JMJD4: variants seen among roughly 807,000 people sequenced by gnomAD.
JMJD4 encodes 2-oxoglutarate and iron-dependent oxygenase JMJD4.
A neutral mutation model predicts 36.3 loss-of-function variants in JMJD4; 34 were observed. The ratio of observed to expected loss-of-function variants is 0.94; its 90% confidence interval spans 0.71 to 1.25. JMJD4 has a LOEUF of 1.25. Among genes scored for constraint, JMJD4 ranks in the 50% most tolerant of loss-of-function variants. JMJD4 has a pLI of 0.00. For missense variants in JMJD4, 584 were observed against 559.1 expected (o/e 1.04, Z -0.45); for synonymous variants, 269 against 235.3 (o/e 1.14, Z -1.31).
Position 227,735,096 on chromosome 1 carries a change from C to T in JMJD4, c.178G>A (p.Ala60Thr). The change falls in exon 1 of 6, where the codon GCC (alanine) becomes ACC (threonine). Residue 60 changes from alanine to threonine, a missense_variant. Physicochemically the swap from Ala to Thr is moderately conservative, Grantham distance 58. Transcript: ENST00000620518. ...LPNLPCVFSS[A>T]FTQGWGSRRR... is the part of the protein sequence containing the mutation. ...CGGCTGCCCCAGCCCTGCGTGAAGG[C>T]GCTGGAAAACACGCAGGGCAGGTTG... 6.4e-7 allele frequency: 1 copy of T among 1,573,630 alleles called. No homozygotes were observed. The highest frequency in any genetic ancestry group is 1.4e-5 in the African/African-American group (1 of 73,824).
In JMJD4 at chr1:227,732,657, G is replaced by C. The variant is rs764039645; in HGVS notation, c.989C>G (p.Ser330Trp). The C allele has an allele frequency of 1.2e-6, 2 of 1,612,988 alleles. No homozygotes were observed. The highest frequency in any genetic ancestry group is 2.2e-5 in the South Asian group (2 of 91,076). The change falls in exon 6 of 6, where the codon TCG becomes TGG. Residue 330 changes from serine (S) to tryptophan (W), a missense_variant. Transcript: ENST00000620518. ...HHCQVIMRSC[S>W]GINFEEFYHF... ...GTAAAACTCTTCAAAGTTGATGCCC[G>C]AGCAGGACCTCATGATGACCTGGGC...
chr1:227,733,587 C>G lies in JMJD4; in HGVS notation c.649G>C (p.Glu217Gln). The G allele has an allele frequency of 6.2e-7, 1 of 1,608,022 alleles. No homozygotes were observed. The highest frequency in any genetic ancestry group is 1.1e-5 in the South Asian group (1 of 90,784). Residue 217 changes from glutamate (E) to glutamine (Q), a missense_variant, in exon 4 of 6, where the codon GAG becomes CAG. Coordinates refer to ENST00000620518, the MANE Select transcript of JMJD4 (RefSeq NM_023007.3). ...TTGCCGTGGCGGTCCCGCAGGGCCT[C>G]TTCCTGCCCTGGGGGGAAGAGGAGC... ...KWLLFPPGQE[E>Q]ALRDRHGNLP...
At chr1:227,734,540 C>G in intron 2 of JMJD4, 111 bp downstream of exon 2, 2 of 974,240 alleles carry the variant, frequency 2.1e-6, no homozygotes, top group Non-Finnish European at 1.6e-6. Context: ...AAGTGCCTCA[C>G]GGGGAAAAAT....
chr1:227,733,437 AGC>A lies in JMJD4; in HGVS notation c.797_798del (p.Gly266ValfsTer10), dbSNP rs1558182212. ...EAGEMVFVPS[G>X]WHHQVHNLDD... is the part of the protein sequence containing the mutation. ...ACCAGGTTGTGCACCTGGTGGTGCC[AGC>A]CACTGGGCACAAACACCATCTCGCC... On this transcript the variant is annotated frameshift_variant, in exon 4 of 6. Transcript: ENST00000620518. LOFTEE classifies it high-confidence loss of function. 1.3e-6 allele frequency: 2 copies of A among 1,579,578 alleles called. No homozygotes were observed. The highest frequency in any genetic ancestry group is 1.7e-6 in the Non-Finnish European group (2 of 1,163,336).
intron 4 of JMJD4, 53 bp from the exon 5 acceptor site, chr1:227,733,080 C>A: frequency 6.3e-7 from 1 of 1,593,704 alleles, no homozygotes; most frequent in Non-Finnish European, 8.6e-7. Flanking sequence ...TGCCCCCTGA[C>A]CAACCCACAT....
chr1:227,731,799 T>C lies in JMJD4; in HGVS notation c.*593A>G, dbSNP rs61826976. 10,561 of 157,824 alleles carry C rather than the reference T, an allele frequency of 0.067. 486 individuals carry two copies. Among genetic ancestry groups the C allele is most frequent in the Non-Finnish European group, 0.1 (7,070 of 70,866 alleles). 9.8% of individuals were successfully genotyped at this position (157,824 alleles called of 1,614,324 possible). On this transcript the variant is annotated 3_prime_UTR_variant, in exon 6 of 6. Transcript: ENST00000620518. ...CCACCCCATCTGTGGCCTCTCCAGC[T>C]GTCCACAGGCCCTGCAAAGGCAGGG...
Position 227,733,942 on chromosome 1 carries a change from G to C in JMJD4, c.519C>G (p.Asp173Glu), listed in dbSNP as rs758569837. 1.2e-6 allele frequency: 2 copies of C among 1,613,810 alleles called. No homozygotes were observed. Among genetic ancestry groups the C allele is most frequent in the African/African-American group, 1.3e-5 (1 of 74,954 alleles). The change falls in exon 3 of 6, where the codon GAC becomes GAG. Residue 173 changes from aspartate (D) to glutamate (E), a missense_variant. Coordinates refer to ENST00000620518, the MANE Select transcript of JMJD4 (RefSeq NM_023007.3). Reference protein sequence around the residue: ...NEFWDALDVDDYRFVYAGPAG... With the variant: ...NEFWDALDVDEYRFVYAGPAG... Reference sequence around the variant, plus strand: ...CAGGCCCCGCGTAGACAAAGCGGTAGTCATCCACATCCAGTGCATCCCAGA... The same window carrying C: ...CAGGCCCCGCGTAGACAAAGCGGTACTCATCCACATCCAGTGCATCCCAGA...
intron 5 of JMJD4, 72 bp from the exon 6 acceptor site, chr1:227,732,748 C>T (rs1394217759): frequency 2.5e-6 from 4 of 1,592,810 alleles, no homozygotes; most frequent in East Asian, 2.2e-5. Flanking sequence ...CCGACATGCG[C>T]CCAGTCCCCA....
rs1425965649 is a variant in JMJD4, at chr1:227,731,468, C to G, written c.*924G>C. 1.3e-5 allele frequency: 2 copies of G among 152,266 alleles called. No homozygotes were observed. The highest frequency in any genetic ancestry group is 4.8e-5 in the African/African-American group (2 of 41,456). 9.4% of individuals were successfully genotyped at this position (152,266 alleles called of 1,614,324 possible). On this transcript the variant is annotated 3_prime_UTR_variant, in exon 6 of 6. Transcript: ENST00000620518. ...GCCAACTGAAAAAATGCTGGACTCTCGGTCAAGGACAGGGCTGGGAGAGTG... is the reference window on the plus strand; with the variant it reads ...GCCAACTGAAAAAATGCTGGACTCTGGGTCAAGGACAGGGCTGGGAGAGTG...
rs1363648817 is a variant in JMJD4, at chr1:227,735,151, G to A, written c.123C>T (p.Tyr41=). ...AFVSEPGAFS[Y]ADFVRGFLLP... ...GCAAGAAGCCCCGCACAAAGTCGGC[G>A]TAGGAGAAGGCGCCCGGCTCCGAGA... Residue 41 remains tyrosine, a synonymous_variant, in exon 1 of 6, where the codon TAC becomes TAT. Coordinates refer to ENST00000620518, the MANE Select transcript of JMJD4 (RefSeq NM_023007.3). 6.3e-7 allele frequency: 1 copy of A among 1,581,380 alleles called. No individual in the cohort carries two copies. Among genetic ancestry groups the A allele is most frequent in the East Asian group, 2.3e-5 (1 of 42,894 alleles).
chr1:227,732,937 G>T lies in JMJD4; in HGVS notation c.913C>A (p.Gln305Lys). The T allele has an allele frequency of 6.2e-7, 1 of 1,613,184 alleles. No individual in the cohort carries two copies. Among genetic ancestry groups the T allele is most frequent in the South Asian group, 1.1e-5 (1 of 91,088 alleles). Residue 305 changes from glutamine (Q) to lysine (K), a missense_variant, in exon 5 of 6, where the codon CAG becomes AAG. By Grantham distance (53) the Gln-to-Lys change is moderately conservative (BLOSUM62 1). Transcript: ENST00000620518. ...TCCCTCCACTCGCTGACCTCCTCCT[G>T]CACGGCGCATAGCTCCTGCTGCAAG... ...RFLQQELCAV[Q>K]EEVSEWRDSM...
Position 227,732,687 on chromosome 1 carries a change from G to C in JMJD4, c.970-11C>G. ...GGACCTCATGATGACCTGGGCAGAG[G>C]GAAGAGGCCAGTGAGCTAACACCAT... On this transcript the variant is annotated splice_polypyrimidine_tract_variant and intron_variant, in intron 5 of 5. Transcript: ENST00000620518. The C allele has an allele frequency of 6.2e-7, 1 of 1,611,316 alleles. No individual in the cohort carries two copies. The highest frequency in any genetic ancestry group is 8.5e-7 in the Non-Finnish European group (1 of 1,179,718).
At chr1:227,734,954 C>G in intron 1 of JMJD4, 58 bp downstream of exon 1, 1 of 1,500,334 alleles carries the variant, frequency 6.7e-7, no homozygotes, top group South Asian at 1.3e-5. Context: ...GGGGGCCTCC[C>G]GGGCCTGGGT....
chr1:227,732,848 C>CA (rs750951795), intron 5 of JMJD4, 33 bp downstream of exon 5: 1 of 1,610,814 alleles, frequency 6.2e-7, no homozygotes, highest in South Asian at 1.1e-5. Flanking sequence ...AAGCCTCCCC[C>CA]AGGAGGGTAG....
rs1486384538 is a variant in JMJD4, at chr1:227,732,373, T to C, written c.*19A>G. On this transcript the variant is annotated 3_prime_UTR_variant, in exon 6 of 6. Transcript: ENST00000620518. ...AGGCTGCCTCTCTTCCACCCGTCCTTCTATCCTCACGACAGGTGCTATGGG... is the reference window on the plus strand; with the variant it reads ...AGGCTGCCTCTCTTCCACCCGTCCTCCTATCCTCACGACAGGTGCTATGGG... 4 of 1,608,474 alleles carry C rather than the reference T, an allele frequency of 2.5e-6. No homozygotes were observed. The African/African-American group carries it at 4.0e-5, about 16-fold the overall frequency.
chr1:227,734,216 G>A, intron 2 of JMJD4, 184 bp from the exon 3 acceptor site: 5 of 639,870 alleles, frequency 7.8e-6, no homozygotes, highest in South Asian at 4.0e-5. Flanking sequence ...GGGGCAGTCT[G>A]ACTACAATGG....
At chr1:227,734,066 A>C in intron 2 of JMJD4, 34 bp from the exon 3 acceptor site, 1 of 1,602,570 alleles carries the variant, frequency 6.2e-7, no homozygotes, top group Non-Finnish European at 8.5e-7. Flanking sequence ...CACCGACAGC[A>C]CGTGAGGCAC....
rs746552596 is a variant in JMJD4, at chr1:227,732,473, C to T, written c.1173G>A (p.Val391=). 3.7e-6 allele frequency: 6 copies of T among 1,613,326 alleles called. No individual in the cohort carries two copies. In the South Asian group the frequency reaches 6.6e-5, roughly 18 times the overall value. ...GCTGTGGTGAGAACGCGCTGGTGTC[C>T]ACTCTCTGGAAGTCGGGGTGCGCAA... ...SLVAHPDFQR[V]DTSAFSPQPK... Residue 391 remains valine (V), a synonymous_variant, in exon 6 of 6, where the codon GTG becomes GTA. Transcript: ENST00000620518.
intron 1 of JMJD4, 37 bp downstream of exon 1, chr1:227,734,975 T>A (rs745519923): frequency 4.0e-6 from 6 of 1,506,208 alleles, no homozygotes; most frequent in Non-Finnish European, 5.3e-6. Context: ...CCCGCCGGCC[T>A]TTCCTCCCCG....
Sources: gnomAD v4.1 joint callset for allele counts on GRCh38, gnomAD v4.1.1 for gene constraint, MANE v1.5 for transcripts, NCBI Gene and HGNC (gene_info 2026-07-23, HGNC 2026-07-21) for gene names.